Variants in EDC3 observed in about 807,000 individuals in gnomAD.
EDC3 encodes enhancer of mRNA-decapping protein 3.
EDC3 carries 20 observed loss-of-function variants against 41.8 expected under a neutral mutation model. The ratio of observed to expected loss-of-function variants is 0.48; its 90% CI spans 0.34 to 0.70. The LOEUF (loss-of-function observed/expected upper bound fraction) is 0.70, where lower values mean the gene tolerates loss of function less well. EDC3 is among the 30% of genes least tolerant of loss of function. The pLI is 0.01. For missense variants in EDC3, 444 were observed against 636.8 expected (o/e 0.70, Z 3.26); for synonymous variants, 206 against 243.2 (o/e 0.85, Z 1.42).
chr15:74,660,546 G>A (rs1302817320), intron 3 of EDC3, among the ~76,000 whole-genome samples: 2 of 151,724 alleles, frequency 1.3e-5, no homozygotes, highest in South Asian at 2.1e-4. Flanking sequence ...AGCTGGATCA[G>A]GAAGACAGAA....
At chr15:74,658,624 GAAAAAAAAAAAAAAAAA>G (rs60193835) in intron 3 of EDC3, among the ~76,000 whole-genome samples, 3 of 39,038 alleles carry the variant, frequency 7.7e-5, no homozygotes, top group African/African-American at 3.0e-4. Context: ...TTACGTCTCT[GAAAAAAAAAAAAAAAAA>G]AAAAAAAAAA....
At chr15:74,677,135 T>A (rs565504084) in intron 1 of EDC3, 1 of 152,220 alleles carries the variant, frequency 6.6e-6, no homozygotes, top group African/African-American at 2.4e-5. Context: ...CAATCTCAGC[T>A]CACTGCAACC....
intron 3 of EDC3, among the ~76,000 whole-genome samples, chr15:74,660,048 GA>G (rs977602048): frequency 1.1e-4 from 16 of 145,820 alleles, no homozygotes; most frequent in Admixed American, 6.2e-4. Context: ...TGTCTCAAAA[GA>G]AAAAAAAATA....
rs192048543 is a variant in EDC3 at position 74,669,330 on chromosome 15, C to T, written c.484+2125G>A. ...TGCACTCCAGCCTGGGCAATAAGAG[C>T]GAAACTCTGTCTCAAAAAAAAAAAA... is the stretch of plus-strand genomic sequence containing the variant. On this transcript the variant is annotated intron_variant, in intron 3 of 6. Transcript: ENST00000315127. 5.0e-5 allele frequency among the ~76,000 whole-genome samples: 6 copies of T among 119,410 alleles called. No homozygotes were observed. In the East Asian group the frequency reaches 1.5e-3, roughly 30 times the overall value. 78.3% of individuals were successfully genotyped at this position (119,410 alleles called of 152,430 possible). A position where few individuals can be genotyped will look rare whatever the true frequency, so the allele number is the denominator to read the frequency against.
At position 74,630,618 on chromosome 15, in the gene EDC3, T is replaced by G. The variant is rs2062190188; in HGVS notation, c.*1994A>C. On this transcript the variant is annotated 3_prime_UTR_variant, in exon 7 of 7. Transcript: ENST00000315127. ...TTTGGTTCCCTAAGAGCTGCATGAG[T>G]GCTAGGCTTCACCACGTGACTGGGG... is the stretch of plus-strand genomic sequence containing the variant. The G allele has an allele frequency of 3.3e-5, 5 of 152,274 alleles. No homozygotes were observed. Among genetic ancestry groups the G allele is most frequent in the Admixed American group, 2.6e-4 (4 of 15,280 alleles). The allele number at this position is 152,274 out of a possible 1,614,324, so 9.4% of individuals were successfully genotyped here.
chr15:74,678,328 A>G (rs1206740738), intron 1 of EDC3, among the ~76,000 whole-genome samples: 1 of 152,170 alleles, frequency 6.6e-6, no homozygotes, highest in Admixed American at 6.6e-5. Flanking sequence ...TTACTGGGGG[A>G]CAACAGTGAG....
intron 6 of EDC3, 79 bp downstream of exon 6, chr15:74,635,330 G>T: frequency 7.2e-7 from 1 of 1,393,602 alleles, no homozygotes; most frequent in Non-Finnish European, 1.0e-6. Context: ...TCCACCTGTC[G>T]CCACTGGGTG....
At chr15:74,639,937 T>C (rs577527711) in intron 5 of EDC3, 2 of 153,628 alleles carry the variant, frequency 1.3e-5, no homozygotes, top group African/African-American at 4.8e-5. Flanking sequence ...CAGTATTTTA[T>C]TCTTCGTGTC....
intron 3 of EDC3, among the ~76,000 whole-genome samples, chr15:74,658,412 T>C (rs1468945820): frequency 6.6e-6 from 1 of 152,060 alleles, no homozygotes; most frequent in Non-Finnish European, 1.5e-5. Flanking sequence ...ATCTAACTTC[T>C]CAGGGTCTTA....
chr15:74,674,416 T>C (rs538710092), intron 2 of EDC3, among the ~76,000 whole-genome samples: 142 of 152,302 alleles, frequency 9.3e-4, no homozygotes, highest in African/African-American at 3.3e-3. Context: ...TCAGGGAGCA[T>C]TCAAATGAGA....
At position 74,680,017 on chromosome 15, in the gene EDC3, C is replaced by T. The variant is rs923368154; in HGVS notation, c.-18-4875G>A. The T allele has an allele frequency of 9.9e-5, 15 of 151,850 alleles. No individual in the cohort carries two copies. In the East Asian group the frequency reaches 2.3e-3, roughly 24 times the overall value. The allele number at this position is 151,850 out of a possible 1,614,324, so 9.4% of individuals were successfully genotyped here. A position where few individuals can be genotyped will look rare whatever the true frequency, so the allele number is the denominator to read the frequency against. On this transcript the variant is annotated intron_variant, in intron 1 of 6. Transcript: ENST00000315127. ...GTGGCTCACGCCTGTAATCCCAGCA[C>T]TTTGGGAGGCCAAGGTGGGCGGATC...
At position 74,645,572 on chromosome 15, in the gene EDC3, G is replaced by T. The variant is rs1360411989; in HGVS notation, c.821-4953C>A. Reference sequence around the variant, plus strand: ...TTTTCAATAAAAAAAGTTGGGGGGGGGGGGGTGCCAGGCAGGTGGCTCATG... The same window carrying T: ...TTTTCAATAAAAAAAGTTGGGGGGGTGGGGGTGCCAGGCAGGTGGCTCATG... On this transcript the variant is annotated intron_variant, in intron 4 of 6. Transcript: ENST00000315127. 3.4e-5 allele frequency among the ~76,000 whole-genome samples: 5 copies of T among 145,086 alleles called. 1 individual carries two copies. Among genetic ancestry groups the T allele is most frequent in the South Asian group, 2.3e-4 (1 of 4,262 alleles).
rs117930999 is a variant in EDC3, at chr15:74,673,208, A to T, written c.165-1434T>A. ...GAAAAAAGAGGCAGTGGTACCAGTT[A>T]GAAGACCAAGCAAGAAATAAGAGGG... On this transcript the variant is annotated intron_variant, in intron 2 of 6. Coordinates refer to ENST00000315127, the MANE Select transcript of EDC3 (RefSeq NM_025083.5). 4.2e-3 allele frequency among the ~76,000 whole-genome samples: 640 copies of T among 152,284 alleles called. 5 individuals carry two copies. The highest frequency in any genetic ancestry group is 6.7e-3 in the Non-Finnish European group (457 of 68,022).
chr15:74,655,896 A>G lies in EDC3; in HGVS notation c.657T>C (p.Phe219=), dbSNP rs1472694835. The change falls in exon 4 of 7, where the codon TTT becomes TTC. Residue 219 remains phenylalanine, a synonymous_variant. Coordinates refer to ENST00000315127, the MANE Select transcript of EDC3 (RefSeq NM_025083.5). ...TCCTTTCATAGGTATCAATCTCCTCAAACACAGCTGCCTTGTCAAAAAGAG... is the reference window on the plus strand; with the variant it reads ...TCCTTTCATAGGTATCAATCTCCTCGAACACAGCTGCCTTGTCAAAAAGAG... ...NLALFDKAAV[F]EEIDTYERRS... 1 of 1,614,016 alleles carries G rather than the reference A, an allele frequency of 6.2e-7. No homozygotes were observed. The highest frequency in any genetic ancestry group is 1.3e-5 in the African/African-American group (1 of 74,894).
chr15:74,635,823 C>A, intron 5 of EDC3, 197 bp from the exon 6 acceptor site: 1 of 595,286 alleles, frequency 1.7e-6, no homozygotes, highest in East Asian at 2.8e-5. Context: ...CAAACCCCAA[C>A]CTCACATCAT....
In EDC3 at chr15:74,657,289, G is replaced by A. The variant is rs560347935; in HGVS notation, c.485-1221C>T. On this transcript the variant is annotated intron_variant, in intron 3 of 6. Coordinates refer to ENST00000315127, the MANE Select transcript of EDC3 (RefSeq NM_025083.5). ...CTGCCATATGGCCTGCACAGAGTTC[G>A]CTCCTGCTGGTGCCCAGAAGCGCTC... Among the ~76,000 whole-genome samples, 329 of 152,310 alleles carry A rather than the reference G, an allele frequency of 2.2e-3. 1 individual carries two copies. The highest frequency in any genetic ancestry group is 7.5e-3 in the African/African-American group (312 of 41,578).
intron 5 of EDC3, 42 bp from the exon 6 acceptor site, chr15:74,635,668 C>G (rs2062263996): frequency 1.3e-6 from 2 of 1,571,424 alleles, no homozygotes; most frequent in South Asian, 1.1e-5. Context: ...TACATACTTG[C>G]CAATCCCTTG....
chr15:74,669,554 T>C (rs2062715805), intron 3 of EDC3, among the ~76,000 whole-genome samples: 1 of 151,908 alleles, frequency 6.6e-6, no homozygotes, highest in Non-Finnish European at 1.5e-5. Flanking sequence ...GTTTATTCAC[T>C]TGAATCAGGC....
chr15:74,668,875 C>T (rs2062708186), intron 3 of EDC3, among the ~76,000 whole-genome samples: 1 of 152,190 alleles, frequency 6.6e-6, no homozygotes, highest in Non-Finnish European at 1.5e-5. Flanking sequence ...CAAACATCGT[C>T]ATTTCAGATA....
Sources: gnomAD v4.1 joint callset for allele counts (sites outside exome capture counted in the v4.1 genomes callset) on GRCh38, gnomAD v4.1.1 for gene constraint, MANE v1.5 for transcripts, NCBI Gene and HGNC (gene_info 2026-07-23, HGNC 2026-07-21) for gene names.